LRRC1: variants seen among roughly 807,000 people sequenced by gnomAD.
LRRC1 encodes leucine rich repeat containing 1.
LRRC1 carries 28 observed loss-of-function variants against 69.9 expected under a neutral mutation model. The observed-to-expected ratio is 0.40, with a 90% CI of 0.30 to 0.55. The LOEUF (loss-of-function observed/expected upper bound fraction) is 0.55, where lower values mean the gene tolerates loss of function less well. LRRC1 is among the 20% of genes least tolerant of loss of function. The probability of loss-of-function intolerance (pLI) is 0.47; values close to 1 mark genes in which losing one functional copy is unlikely to be tolerated. For missense variants in LRRC1, 498 were observed against 609.0 expected (o/e 0.82, Z 1.92); for synonymous variants, 236 against 240.2 (o/e 0.98, Z 0.16).
intron 2 of LRRC1, among the ~76,000 whole-genome samples, chr6:53,871,271 C>T (rs1766875054): frequency 6.6e-6 from 1 of 152,096 alleles, no homozygotes; most frequent in South Asian, 2.1e-4. Context: ...TAAGAGGTTC[C>T]TTTTCTCTGC....
chr6:53,876,716 T>C (rs764334389), intron 2 of LRRC1, among the ~76,000 whole-genome samples: 1 of 152,206 alleles, frequency 6.6e-6, no homozygotes, highest in African/African-American at 2.4e-5. Context: ...TTTGACTCCA[T>C]GTCTCACATC....
At chr6:53,833,444 A>T (rs1162662495) in intron 1 of LRRC1, among the ~76,000 whole-genome samples, 1 of 152,252 alleles carries the variant, frequency 6.6e-6, no homozygotes, top group Non-Finnish European at 1.5e-5. Flanking sequence ...AAACATTAAA[A>T]TATACCAGCA....
At chr6:53,840,884 TTGTGTGTGTGTGTGTG>T (rs57491487) in intron 1 of LRRC1, among the ~76,000 whole-genome samples, 34 of 125,298 alleles carry the variant, frequency 2.7e-4, no homozygotes, top group Admixed American at 7.3e-4. Context: ...GGGTATGTGT[TTGTGTGTGTGTGTGTG>T]TGTGTGTGTG....
intron 2 of LRRC1, among the ~76,000 whole-genome samples, chr6:53,847,699 C>A (rs1439438026): frequency 6.6e-6 from 1 of 152,156 alleles, no homozygotes; most frequent in Non-Finnish European, 1.5e-5. Context: ...TCTGTCCAAC[C>A]ACGAGATGCT....
chr6:53,914,121 A>G, intron 11 of LRRC1, 152 bp downstream of exon 11: 1 of 571,250 alleles, frequency 1.8e-6, no homozygotes, highest in Non-Finnish European at 3.2e-6. Flanking sequence ...GTTCCTTCAT[A>G]GGGGGGCTAG....
At chr6:53,922,388 G>GT (rs1197738385) in intron 13 of LRRC1, among the ~76,000 whole-genome samples, 1 of 151,858 alleles carries the variant, frequency 6.6e-6, no homozygotes, top group African/African-American at 2.4e-5. Context: ...ATTTTTATAA[G>GT]TATTCTTTTA....
At chr6:53,832,411 A>G (rs946963840) in intron 1 of LRRC1, among the ~76,000 whole-genome samples, 5 of 152,148 alleles carry the variant, frequency 3.3e-5, no homozygotes, top group Admixed American at 6.5e-5. Context: ...TGTTGTTGCT[A>G]TTAGTTTGGA....
chr6:53,891,990 TAA>T lies in LRRC1; in HGVS notation c.447-4499_447-4498del, dbSNP rs11355552. The stretch of plus-strand genomic sequence containing the variant: ...CTGGGTGACAGAGTAAGATTCTGTC[TAA>T]AAAAAAAATATATATATATACACAC... On this transcript the variant is annotated intron_variant, in intron 4 of 13. Coordinates refer to ENST00000370888, the MANE Select transcript of LRRC1 (RefSeq NM_018214.5). Among the ~76,000 whole-genome samples, 208 of 84,978 alleles carry T rather than the reference TAA, an allele frequency of 2.4e-3. 1 individual carries two copies. The highest frequency in any genetic ancestry group is 5.1e-3 in the Admixed American group (46 of 9,066). 55.7% of individuals were successfully genotyped at this position (84,978 alleles called of 152,430 possible).
chr6:53,900,020 G>GT lies in LRRC1; in HGVS notation c.787+162dup, dbSNP rs869246243. 948 of 190,340 alleles carry GT rather than the reference G, an allele frequency of 5.0e-3. 25 individuals carry two copies. Among genetic ancestry groups the GT allele is most frequent in the Non-Finnish European group, 6.1e-3 (672 of 109,720 alleles). 11.8% of individuals were successfully genotyped at this position (190,340 alleles called of 1,614,324 possible). ...TGTGGCTCCTTAAAGTCTCCTTACT[G>GT]TTTTTTTTTTTTTTTTTTTTTTTTT... On this transcript the variant is annotated intron_variant, in intron 8 of 13. Transcript: ENST00000370888.
chr6:53,833,097 C>T (rs1031286036), intron 1 of LRRC1, among the ~76,000 whole-genome samples: 5 of 152,186 alleles, frequency 3.3e-5, no homozygotes, highest in African/African-American at 1.2e-4. Context: ...ACCAACCCTG[C>T]TTGGTCCAGC....
At chr6:53,819,225 A>G (rs1369245500) in intron 1 of LRRC1, among the ~76,000 whole-genome samples, 8 of 152,166 alleles carry the variant, frequency 5.3e-5, no homozygotes. Flanking sequence ...AAAAATAGGC[A>G]TTTTGGAGAA....
chr6:53,857,482 C>G (rs1363427971), intron 2 of LRRC1, among the ~76,000 whole-genome samples: 1 of 152,086 alleles, frequency 6.6e-6, no homozygotes, highest in Non-Finnish European at 1.5e-5. Flanking sequence ...CCAGGCATAA[C>G]CTATAGAAAG....
chr6:53,899,207 G>A (rs1767967266), intron 7 of LRRC1, among the ~76,000 whole-genome samples: 1 of 152,204 alleles, frequency 6.6e-6, no homozygotes, highest in Admixed American at 6.5e-5. Flanking sequence ...TTTCACTAAA[G>A]GCAGTATGCT....
intron 7 of LRRC1, among the ~76,000 whole-genome samples, chr6:53,898,176 TA>T (rs1767934698): frequency 6.6e-6 from 1 of 152,228 alleles, no homozygotes; most frequent in South Asian, 2.1e-4. Context: ...TTTTAGTTGT[TA>T]TAGCACTGAA....
At chr6:53,914,926 C>G (rs763237883) in intron 11 of LRRC1, among the ~76,000 whole-genome samples, 2 of 152,172 alleles carry the variant, frequency 1.3e-5, no homozygotes, top group Non-Finnish European at 2.9e-5. Context: ...ATTTATGTGT[C>G]ATTGTGTCAC....
chr6:53,816,929 G>A (rs1189367301), intron 1 of LRRC1, among the ~76,000 whole-genome samples: 2 of 152,126 alleles, frequency 1.3e-5, no homozygotes, highest in African/African-American at 4.8e-5. Flanking sequence ...ATTTTAATTA[G>A]TGGCTCAATT....
At chr6:53,834,235 GAT>G (rs1765544206) in intron 1 of LRRC1, among the ~76,000 whole-genome samples, 1 of 152,072 alleles carries the variant, frequency 6.6e-6, no homozygotes, top group African/African-American at 2.4e-5. Context: ...TCTAGAAGTT[GAT>G]TCATTCTTAT....
chr6:53,913,924 T>C lies in LRRC1; in HGVS notation c.1061T>C (p.Val354Ala). Residue 354 changes from valine (V) to alanine (A), a missense_variant, in exon 11 of 14, where the codon GTG becomes GCG. This residue lies in a region of LRRC1 where 266 missense variants were observed against 383.9 expected (regional missense o/e 0.69). Transcript: ENST00000370888. ...DNRLTRIPAE[V>A]SQATELHVLD... Reference sequence around the variant, plus strand: ...AGACTAACTCGGATACCTGCAGAGGTGTCACAGGCAACAGAACTTCATGTC... The same window carrying C: ...AGACTAACTCGGATACCTGCAGAGGCGTCACAGGCAACAGAACTTCATGTC... 6.2e-7 allele frequency: 1 copy of C among 1,611,736 alleles called. No homozygotes were observed. The highest frequency in any genetic ancestry group is 8.5e-7 in the Non-Finnish European group (1 of 1,178,432).
At chr6:53,809,158 A>AT (rs952090589) in intron 1 of LRRC1, among the ~76,000 whole-genome samples, 4 of 152,126 alleles carry the variant, frequency 2.6e-5, no homozygotes, top group Non-Finnish European at 5.9e-5. Context: ...ATTATATACT[A>AT]TTTTTTCCTG....
Sources: allele counts gnomAD v4.1 joint callset (sites outside exome capture counted in the v4.1 genomes callset), GRCh38; gene constraint gnomAD v4.1.1; regional missense constraint gnomAD v4.1.1; transcripts MANE v1.5; gene names NCBI Gene and HGNC (gene_info 2026-07-23, HGNC 2026-07-21).